The following SIPA1L3 variants were observed in gnomAD, a reference collection of about 807,000 sequenced individuals.
SIPA1L3 encodes signal induced proliferation associated 1 like 3.
SIPA1L3 carries 59 observed loss-of-function variants against 150.1 expected under a neutral mutation model. That is an observed-to-expected ratio of 0.39 (90% CI 0.32 to 0.49). The LOEUF (loss-of-function observed/expected upper bound fraction) is 0.49, where lower values mean the gene tolerates loss of function less well. Among genes scored for constraint, SIPA1L3 ranks in the 20% least tolerant of loss-of-function variants. The probability of loss-of-function intolerance (pLI) is 0.86; values close to 1 mark genes in which losing one functional copy is unlikely to be tolerated. For missense variants in SIPA1L3, 2,211 were observed against 2,489.5 expected, an observed-to-expected ratio of 0.89 and a Z score of 2.38; for synonymous variants, 1,070 against 1,077.6, an observed-to-expected ratio of 0.99 and a Z score of 0.14.
At chr19:38,175,901 G>A (rs183924099) in intron 15 of SIPA1L3, among the ~76,000 whole-genome samples, 1 of 152,216 alleles carries the variant, frequency 6.6e-6, no homozygotes, top group East Asian at 1.9e-4. Context: ...GGGCACACTG[G>A]CGCTCCAGAA....
At chr19:37,980,314 T>C (rs894228539) in intron 1 of SIPA1L3, among the ~76,000 whole-genome samples, 2 of 152,168 alleles carry the variant, frequency 1.3e-5, no homozygotes, top group Non-Finnish European at 2.9e-5. Context: ...CAAGCAAATA[T>C]GAATATATAT....
intron 1 of SIPA1L3, among the ~76,000 whole-genome samples, chr19:37,921,482 C>T (rs1283742807): frequency 1.3e-5 from 2 of 152,112 alleles, no homozygotes; most frequent in African/African-American, 2.4e-5. Flanking sequence ...TCTGGTGCCC[C>T]GTTTTTCTAT....
Position 38,164,595 on chromosome 19 carries a change from C to G in SIPA1L3, c.3897C>G (p.Asp1299Glu). ...TGGACCCCCTGGAGCCAGAGCAAGA[C>G]CCCCTCTCCAAGGGTGGCTCTAGTG... Reference protein sequence around the residue: ...DPLDPLEPEQDPLSKGGSSDS... With the variant: ...DPLDPLEPEQEPLSKGGSSDS... Residue 1299 changes from aspartate (D) to glutamate (E), a missense_variant, in exon 15 of 22, where the codon GAC (aspartate) becomes GAG (glutamate). Asp to Glu is a conservative substitution (Grantham distance 45, BLOSUM62 2). Around this residue, in one of 5 missense-constraint regions of SIPA1L3, gnomAD observed 806 missense variants for 870.1 expected, o/e 0.93. Coordinates refer to ENST00000222345, the MANE Select transcript of SIPA1L3 (RefSeq NM_015073.3). The surrounding 1 kb of genome is among the most constrained non-coding windows in gnomAD (Gnocchi z 4.1). 6.2e-7 allele frequency: 1 copy of G among 1,614,166 alleles called. No individual in the cohort carries two copies. The highest frequency in any genetic ancestry group is 8.5e-7 in the Non-Finnish European group (1 of 1,180,024).
At chr19:38,036,517 TCCGTGGAGTG>T (rs1186323199) in intron 2 of SIPA1L3, among the ~76,000 whole-genome samples, 1 of 152,216 alleles carries the variant, frequency 6.6e-6, no homozygotes, top group Non-Finnish European at 1.5e-5. Flanking sequence ...GAGTCGCAGC[TCCGTGGAGTG>T]CTTGGCCCAT....
chr19:37,977,108 A>T (rs1279810688), intron 1 of SIPA1L3, among the ~76,000 whole-genome samples: 1 of 151,444 alleles, frequency 6.6e-6, no homozygotes, highest in African/African-American at 2.4e-5. Flanking sequence ...AAATGCTGGG[A>T]GTACAGGCAT....
rs574996888 is a variant in SIPA1L3, at chr19:38,157,744, C to T, written c.3662-4509C>T. 5.9e-5 allele frequency among the ~76,000 whole-genome samples: 9 copies of T among 152,250 alleles called. No homozygotes were observed. In the South Asian group the frequency reaches 1.9e-3, roughly 32 times the overall value. Reference sequence around the variant, plus strand: ...AGGGCAGAGCTGGGGCAGGAGAATGCAGGGGCAGCCAGGATGGGGAGGAAG... The same window carrying T: ...AGGGCAGAGCTGGGGCAGGAGAATGTAGGGGCAGCCAGGATGGGGAGGAAG... On this transcript the variant is annotated intron_variant, in intron 13 of 21. Coordinates refer to ENST00000222345, the MANE Select transcript of SIPA1L3 (RefSeq NM_015073.3).
intron 16 of SIPA1L3, among the ~76,000 whole-genome samples, chr19:38,188,302 A>G (rs1972732342): frequency 6.6e-6 from 1 of 151,616 alleles, no homozygotes; most frequent in African/African-American, 2.4e-5. Context: ...CTCGTGCCTC[A>G]GCCTCCCGAG....
In SIPA1L3 at chr19:38,186,875, T is replaced by C. The variant is rs138677686; in HGVS notation, c.4430+4135T>C. On this transcript the variant is annotated intron_variant, in intron 16 of 21. Transcript: ENST00000222345. ...CGTGGTGTCGCATGCCTGTAATCTG[T>C]TCCACATCCCATGTACAGCTACTCG... 2.0e-3 allele frequency among the ~76,000 whole-genome samples: 306 copies of C among 150,056 alleles called. 1 individual carries two copies. The highest frequency in any genetic ancestry group is 7.1e-3 in the African/African-American group (290 of 40,812).
chr19:37,941,676 C>T (rs1025001307), intron 1 of SIPA1L3, among the ~76,000 whole-genome samples: 6 of 152,170 alleles, frequency 3.9e-5, no homozygotes, highest in South Asian at 2.1e-4. Context: ...AGACTGTGGA[C>T]ATTCCCATCT....
intron 13 of SIPA1L3, 116 bp from the exon 14 acceptor site, chr19:38,162,137 T>G (rs1332460453): frequency 2.7e-6 from 2 of 752,678 alleles, no homozygotes; most frequent in African/African-American, 1.7e-5. Flanking sequence ...CACTCCAAGG[T>G]GTAAATTGAT....
rs768260338 is a variant in SIPA1L3 at position 38,082,403 on chromosome 19, A to C, written c.838A>C (p.Lys280Gln). 1 of 1,598,690 alleles carries C rather than the reference A, an allele frequency of 6.3e-7. No homozygotes were observed. Among genetic ancestry groups the C allele is most frequent in the Non-Finnish European group, 8.5e-7 (1 of 1,177,216 alleles). ...SLLPLQPTKE[K>Q]EKARKKPARG... ...CCTGCCACTGCAGCCCACGAAGGAG[A>C]AGGAGAAGGCCCGGAAGAAACCTGC... The change falls in exon 3 of 22, where the codon AAG becomes CAG. Residue 280 changes from lysine (K) to glutamine (Q), a missense_variant. Physicochemically the swap from Lys to Gln is moderately conservative, Grantham distance 53. Coordinates refer to ENST00000222345, the MANE Select transcript of SIPA1L3 (RefSeq NM_015073.3).
At chr19:38,079,473 A>G (rs1356185932) in intron 2 of SIPA1L3, among the ~76,000 whole-genome samples, 1 of 152,206 alleles carries the variant, frequency 6.6e-6, no homozygotes. Context: ...AGAGTGGGTA[A>G]TTAAGAAAGG....
intron 2 of SIPA1L3, among the ~76,000 whole-genome samples, chr19:38,049,902 G>A (rs1034450148): frequency 2.0e-5 from 3 of 152,102 alleles, no homozygotes; most frequent in African/African-American, 4.8e-5. Flanking sequence ...CTGATGGTGA[G>A]TCTGGCTGAG....
chr19:37,941,298 C>T (rs963150952), intron 1 of SIPA1L3, among the ~76,000 whole-genome samples: 1 of 152,072 alleles, frequency 6.6e-6, no homozygotes, highest in Non-Finnish European at 1.5e-5. Flanking sequence ...TAATTCTGTC[C>T]ACCTCTTCAT....
intron 19 of SIPA1L3, chr19:38,199,867 A>G (rs1462228635): frequency 7.2e-6 from 1 of 139,210 alleles, no homozygotes; most frequent in African/African-American, 2.5e-5. Flanking sequence ...ATATATATAT[A>G]TTTTATCCAC....
chr19:38,088,916 T>C (rs528208642), intron 4 of SIPA1L3, 65 bp downstream of exon 4: 22 of 1,578,220 alleles, frequency 1.4e-5, no homozygotes, highest in Non-Finnish European at 1.9e-5. Context: ...AGCCAGGTTC[T>C]GGGGGCAAAC....
Position 38,142,692 on chromosome 19 carries a change from A to G in SIPA1L3, c.3515A>G (p.Tyr1172Cys). 1 of 1,613,782 alleles carries G rather than the reference A, an allele frequency of 6.2e-7. No homozygotes were observed. The highest frequency in any genetic ancestry group is 8.5e-7 in the Non-Finnish European group (1 of 1,179,774). ...CCCGGTTCGGCCACCTACGTGAGAT[A>G]CAAGCCATCCCCAGAAAGGTCAGCC... The part of the protein sequence containing the change: ...STPGSATYVR[Y>C]KPSPERYTAA... The change falls in exon 12 of 22, where the codon TAC becomes TGC. Residue 1172 changes from tyrosine (Y) to cysteine (C), a missense_variant. Tyr to Cys is a radical substitution (Grantham distance 194, BLOSUM62 -2). This residue lies in a region of SIPA1L3 where 806 missense variants were observed against 870.1 expected (regional missense o/e 0.93). Transcript: ENST00000222345.
chr19:38,150,217 C>T (rs1417695221), intron 12 of SIPA1L3, among the ~76,000 whole-genome samples: 3 of 152,128 alleles, frequency 2.0e-5, no homozygotes, highest in Non-Finnish European at 4.4e-5. Context: ...TGTCAGTGGT[C>T]AAGGTCTGGT....
intron 18 of SIPA1L3, among the ~76,000 whole-genome samples, chr19:38,195,408 G>A (rs137901446): frequency 1.6e-3 from 237 of 152,292 alleles, no homozygotes; most frequent in African/African-American, 5.1e-3. Flanking sequence ...CCTGCTGTGG[G>A]CGGGGCTCTG....
Sources: allele counts gnomAD v4.1 joint callset (sites outside exome capture counted in the v4.1 genomes callset), GRCh38; gene constraint gnomAD v4.1.1; regional missense constraint gnomAD v4.1.1; non-coding constraint Gnocchi (gnomAD v3.1); transcripts MANE v1.5; gene names NCBI Gene and HGNC (gene_info 2026-07-23, HGNC 2026-07-21).